The following EPB41L1 variants were observed in gnomAD, a reference collection of about 807,000 sequenced individuals.
EPB41L1 encodes the protein band 4.1-like protein 1.
Under a neutral mutation model 97.8 loss-of-function variants are expected in EPB41L1, and 29 were observed. That is an observed-to-expected ratio of 0.30 (90% CI 0.22 to 0.40). The LOEUF (loss-of-function observed/expected upper bound fraction) is 0.40, where lower values mean the gene tolerates loss of function less well. Among genes scored for constraint, EPB41L1 ranks in the 10% least tolerant of loss-of-function variants. The pLI, the probability that EPB41L1 is intolerant of heterozygous loss-of-function variation, is 1.00. For synonymous variants in EPB41L1, 383 were observed against 459.2 expected (o/e 0.83, Z 2.12); for missense variants, 812 against 1,162.3 (o/e 0.70, Z 4.38).
chr20:36,229,284 T>TGGGG, intron 21 of EPB41L1, 48 bp from the exon 22 acceptor site: 2 of 1,440,962 alleles, frequency 1.4e-6, no homozygotes, highest in Non-Finnish European at 1.9e-6. Flanking sequence ...TTCCTTCCTT[T>TGGGG]CCCCCCACTC....
At position 36,154,852 on chromosome 20, in the gene EPB41L1, C is replaced by T. The variant is rs936799572; in HGVS notation, c.-59C>T. The T allele has an allele frequency of 1.1e-5, 11 of 1,003,608 alleles. No homozygotes were observed. In the South Asian group the frequency reaches 2.0e-4, roughly 18 times the overall value. The allele number at this position is 1,003,608 out of a possible 1,614,324, so 62.2% of individuals were successfully genotyped here. A position where few individuals can be genotyped will look rare whatever the true frequency, so the allele number is the denominator to read the frequency against. ...CTGCCTGCCAGAGGAGCCGAGGGGG[C>T]CGCCCCTCGCCCAACCTGCCCGACA... On this transcript the variant is annotated 5_prime_UTR_variant, in exon 1 of 22. Transcript: ENST00000338074. The surrounding 1 kb of genome is among the most constrained non-coding windows in gnomAD (Gnocchi z 5.5).
At chr20:36,179,087 A>G (rs1182873659) in intron 5 of EPB41L1, among the ~76,000 whole-genome samples, 5 of 151,906 alleles carry the variant, frequency 3.3e-5, no homozygotes, top group African/African-American at 1.2e-4. Context: ...AAAAAGAAAA[A>G]AAAAAAAAAA....
intron 1 of EPB41L1, among the ~76,000 whole-genome samples, chr20:36,100,663 A>G (rs1240500952): frequency 6.6e-6 from 1 of 152,216 alleles, no homozygotes; most frequent in African/African-American, 2.4e-5. Context: ...CACAGCTGGG[A>G]TTTCAATCTA....
At chr20:36,113,251 C>T (rs1040766084) in intron 2 of EPB41L1, among the ~76,000 whole-genome samples, 2 of 152,166 alleles carry the variant, frequency 1.3e-5, no homozygotes, top group Non-Finnish European at 2.9e-5. Context: ...AATGGAGTTA[C>T]ATTGATTGGG....
intron 16 of EPB41L1, among the ~76,000 whole-genome samples, chr20:36,213,222 A>AC (rs1384802760): frequency 2.0e-5 from 3 of 152,016 alleles, no homozygotes; most frequent in African/African-American, 4.8e-5. Context: ...ATATAGGGAG[A>AC]CCCCAGCTCT....
At position 36,190,450 on chromosome 20, in the gene EPB41L1, A is replaced by G; in HGVS notation, c.1124+76A>G. 1.3e-6 allele frequency: 2 copies of G among 1,548,854 alleles called. No homozygotes were observed. Among genetic ancestry groups the G allele is most frequent in the South Asian group, 2.3e-5 (2 of 87,326 alleles). ...ATGGAGGGGAGCAGGGGGAGGAGTT[A>G]GTGAGAACTCTAGGAAAGTCCTCCA... On this transcript the variant is annotated intron_variant, in intron 10 of 21. Coordinates refer to ENST00000338074, the MANE Select transcript of EPB41L1 (RefSeq NM_012156.2). This position sits in a 1 kb window ranked among gnomAD's most constrained non-coding sequence, Gnocchi z 5.8.
chr20:36,130,117 T>C (rs997323539), intron 2 of EPB41L1, among the ~76,000 whole-genome samples: 2 of 152,082 alleles, frequency 1.3e-5, no homozygotes, highest in African/African-American at 4.8e-5. Context: ...AATTTTTCTA[T>C]TTTTAGTAGA....
intron 1 of EPB41L1, among the ~76,000 whole-genome samples, chr20:36,160,483 G>A (rs940159407): frequency 3.3e-5 from 5 of 152,050 alleles, no homozygotes; most frequent in African/African-American, 1.2e-4. Context: ...TACTCAGGAG[G>A]CTGAGGCAAG....
At chr20:36,203,583 G>A (rs931356883) in intron 14 of EPB41L1, among the ~76,000 whole-genome samples, 1 of 152,234 alleles carries the variant, frequency 6.6e-6, no homozygotes, top group Non-Finnish European at 1.5e-5. Flanking sequence ...CCAGGCGGAT[G>A]TCAGTACAGC....
chr20:36,108,415 C>A (rs1343938365), intron 1 of EPB41L1, among the ~76,000 whole-genome samples: 1 of 152,032 alleles, frequency 6.6e-6, no homozygotes, highest in Non-Finnish European at 1.5e-5. Flanking sequence ...TGGCTCACAC[C>A]TGTAATCCCA....
Position 36,229,459 on chromosome 20 carries a change from C to G in EPB41L1, c.*119C>G. 1 of 932,698 alleles carries G rather than the reference C, an allele frequency of 1.1e-6. No individual in the cohort carries two copies. Among genetic ancestry groups the G allele is most frequent in the Non-Finnish European group, 1.8e-6 (1 of 561,386 alleles). The allele number at this position is 932,698 out of a possible 1,614,324, so 57.8% of individuals were successfully genotyped here. A position where few individuals can be genotyped will look rare whatever the true frequency, so the allele number is the denominator to read the frequency against. The stretch of plus-strand genomic sequence containing the variant: ...ACGTCCCAGCTGCGACGTACTGTCA[C>G]TGATGAGAGACTGGGAAGGGAAAAG... On this transcript the variant is annotated 3_prime_UTR_variant, in exon 22 of 22. Coordinates refer to ENST00000338074, the MANE Select transcript of EPB41L1 (RefSeq NM_012156.2).
intron 2 of EPB41L1, among the ~76,000 whole-genome samples, chr20:36,149,027 C>A (rs2059943020): frequency 6.6e-6 from 1 of 152,186 alleles, no homozygotes. Flanking sequence ...TACTGAGGGG[C>A]ACCCTAGTGG....
chr20:36,094,872 G>A (rs577678400), intron 1 of EPB41L1, among the ~76,000 whole-genome samples: 111 of 152,074 alleles, frequency 7.3e-4, no homozygotes, highest in African/African-American at 2.5e-3. Flanking sequence ...CACGATCTCA[G>A]CTCACTGCAG....
chr20:36,178,049 G>A lies in EPB41L1; in HGVS notation c.440G>A (p.Ser147Asn). ...GGCCTGACCTTCTGTGATGCTGACA[G>A]CCAGAAGGTACCTGGGCTAGGGAGC... Reference protein sequence around the residue: ...YFGLTFCDADSQKNWLDPSKE... With the variant: ...YFGLTFCDADNQKNWLDPSKE... The change falls in exon 4 of 22, where the codon AGC becomes AAC. Residue 147 changes from serine (S) to asparagine (N), a missense_variant. Ser to Asn is a conservative substitution (Grantham distance 46). Transcript: ENST00000338074. The A allele has an allele frequency of 2.5e-6, 4 of 1,613,492 alleles. No individual in the cohort carries two copies. The highest frequency in any genetic ancestry group is 2.5e-6 in the Non-Finnish European group (3 of 1,179,440).
At chr20:36,110,472 A>G (rs1313333027) in intron 1 of EPB41L1, among the ~76,000 whole-genome samples, 1 of 152,102 alleles carries the variant, frequency 6.6e-6, no homozygotes, top group Non-Finnish European at 1.5e-5. Context: ...AGGGCTTCTG[A>G]GAAAGAGGCT....
chr20:36,155,529 G>C, intron 1 of EPB41L1: 1 of 451,606 alleles, frequency 2.2e-6, no homozygotes, highest in Admixed American at 2.4e-5. Context: ...AGGTCCAAGG[G>C]CCCGAGAGGC....
At chr20:36,194,580 C>T (rs1251623609) in intron 12 of EPB41L1, among the ~76,000 whole-genome samples, 4 of 152,192 alleles carry the variant, frequency 2.6e-5, no homozygotes, top group Admixed American at 2.6e-4. Flanking sequence ...CCTGTACTCT[C>T]CCCAGCTTTG....
chr20:36,142,725 C>CT (rs2059686244), intron 2 of EPB41L1, among the ~76,000 whole-genome samples: 1 of 152,282 alleles, frequency 6.6e-6, no homozygotes, highest in South Asian at 2.1e-4. Context: ...GTTGAAGGGG[C>CT]TTACCTGCCC....
At position 36,141,545 on chromosome 20, in the gene EPB41L1, G is replaced by A. The variant is rs11697281; in HGVS notation, c.-10+29065G>A. Among the ~76,000 whole-genome samples, 555 of 152,280 alleles carry A rather than the reference G, an allele frequency of 3.6e-3. 8 individuals carry two copies. In the Middle Eastern group the frequency reaches 0.044, roughly 12 times the overall value. ...TCAAAGCCAGAGAGGCAGCCCAAGG[G>A]GGGCTGTGGTTGCTGAAAGGTGGGG... On this transcript the variant is annotated intron_variant, in intron 2 of 19. Coordinates refer to the EPB41L1 transcript ENST00000202028.
Sources: gnomAD v4.1 joint callset for allele counts (sites outside exome capture counted in the v4.1 genomes callset) on GRCh38, gnomAD v4.1.1 for gene constraint, Gnocchi (gnomAD v3.1) non-coding constraint, MANE v1.5 for transcripts, NCBI Gene and HGNC (gene_info 2026-07-23, HGNC 2026-07-21) for gene names.